The following MYO10 variants were observed in gnomAD, a reference collection of about 807,000 sequenced individuals.
MYO10 encodes the protein myosin X.
A neutral mutation model predicts 257.3 loss-of-function variants in MYO10; 133 were observed. That is an observed-to-expected ratio of 0.52 (90% CI 0.45 to 0.60). The LOEUF (loss-of-function observed/expected upper bound fraction) is 0.60. Among genes scored for constraint, MYO10 ranks in the 20% least tolerant of loss-of-function variants. The probability of loss-of-function intolerance (pLI) is 0.00; values close to 1 mark genes in which losing one functional copy is unlikely to be tolerated. For synonymous variants in MYO10, 1,104 were observed against 1,028.6 expected, an observed-to-expected ratio of 1.07 and a Z score of -1.40; for missense variants, 2,399 against 2,635.7, an observed-to-expected ratio of 0.91 and a Z score of 1.97.
At chr5:16,674,143 T>C (rs1020674985) in intron 35 of MYO10, among the ~76,000 whole-genome samples, 1 of 152,230 alleles carries the variant, frequency 6.6e-6, no homozygotes, top group African/African-American at 2.4e-5. Context: ...GCGTTGTTAA[T>C]ACTTGAAAGA....
At chr5:16,932,941 T>C (rs1746330173) in intron 1 of MYO10, among the ~76,000 whole-genome samples, 1 of 152,154 alleles carries the variant, frequency 6.6e-6, no homozygotes, top group Non-Finnish European at 1.5e-5. Context: ...CTAAGTTTTG[T>C]AGAGATGAGG....
chr5:16,829,236 G>A (rs922558646), intron 2 of MYO10, among the ~76,000 whole-genome samples: 1 of 152,178 alleles, frequency 6.6e-6, no homozygotes, highest in Admixed American at 6.5e-5. Flanking sequence ...GGCCCCCTGT[G>A]CCCTGGGTGC....
At chr5:16,676,576 G>A (rs1736733069) in intron 33 of MYO10, among the ~76,000 whole-genome samples, 1 of 152,292 alleles carries the variant, frequency 6.6e-6, no homozygotes, top group Non-Finnish European at 1.5e-5. Context: ...TTAGCCGGGT[G>A]TGGTGGCTGA....
At chr5:16,868,634 A>C (rs1468118174) in intron 2 of MYO10, among the ~76,000 whole-genome samples, 9 of 152,206 alleles carry the variant, frequency 5.9e-5, no homozygotes, top group Middle Eastern at 3.4e-3. Flanking sequence ...GCTTTTCTGA[A>C]ACTCTGTCCA....
chr5:16,725,784 C>T (rs990050533), intron 19 of MYO10, among the ~76,000 whole-genome samples: 1 of 115,138 alleles, frequency 8.7e-6, no homozygotes, highest in African/African-American at 3.4e-5. Flanking sequence ...CAACAGGTAC[C>T]CCCTTTTTTT....
At chr5:16,897,265 G>C (rs541735757) in intron 1 of MYO10, among the ~76,000 whole-genome samples, 19 of 149,402 alleles carry the variant, frequency 1.3e-4, no homozygotes, top group Non-Finnish European at 2.2e-4. Context: ...AACAAAACTG[G>C]CTTGCTAAGT....
In MYO10 at chr5:16,862,098, G is replaced by A. The variant is rs187965792; in HGVS notation, c.120+15511C>T. Among the ~76,000 whole-genome samples the A allele has an allele frequency of 1.5e-3, 232 of 152,256 alleles. 1 individual carries two copies. The highest frequency in any genetic ancestry group is 3.4e-3 in the Middle Eastern group (1 of 294). The stretch of plus-strand genomic sequence containing the variant: ...TCCTCACCAACTATGAGGAGGTCAT[G>A]GCTTAGAACTGGGTGCCCCTCTTCC... On this transcript the variant is annotated intron_variant, in intron 2 of 40. Transcript: ENST00000513610.
Position 16,713,601 on chromosome 5 carries a change from G to T in MYO10, c.1930-2356C>A, listed in dbSNP as rs571688812. On this transcript the variant is annotated intron_variant, in intron 19 of 40. Transcript: ENST00000513610. ...CGGCCTCGAGATCCAGGCTCCCATT[G>T]CGATTGTGTCCCTGCCCCTTCCCAG... 61 of 672,830 alleles carry T rather than the reference G, an allele frequency of 9.1e-5. 1 individual carries two copies. In the South Asian group the frequency reaches 4.0e-3, roughly 44 times the overall value. The allele number at this position is 672,830 out of a possible 1,614,324, so 41.7% of individuals were successfully genotyped here.
intron 1 of MYO10, among the ~76,000 whole-genome samples, chr5:16,920,475 G>A (rs887412436): frequency 2.0e-5 from 3 of 152,152 alleles, no homozygotes; most frequent in Non-Finnish European, 2.9e-5. Flanking sequence ...AAACTATAGA[G>A]AAGGAGAAAA....
At chr5:16,677,693 G>C (rs1186572178) in intron 33 of MYO10, among the ~76,000 whole-genome samples, 1 of 151,934 alleles carries the variant, frequency 6.6e-6, no homozygotes, top group African/African-American at 2.4e-5. Flanking sequence ...GGGATTACAG[G>C]CGTGAGCCAT....
Position 16,711,252 on chromosome 5 carries a change from C to G in MYO10, c.1930-7G>C, listed in dbSNP as rs748269464. Reference sequence around the variant, plus strand: ...GGTCAAACTGGTCTGGCATCTAAACCATGCAAAAAAAAAAGATGGGATACC... The same window carrying G: ...GGTCAAACTGGTCTGGCATCTAAACGATGCAAAAAAAAAAGATGGGATACC... On this transcript the variant is annotated splice_region_variant and splice_polypyrimidine_tract_variant and intron_variant, in intron 19 of 40. Coordinates refer to ENST00000513610, the MANE Select transcript of MYO10 (RefSeq NM_012334.3). 1 of 1,507,238 alleles carries G rather than the reference C, an allele frequency of 6.6e-7. No individual in the cohort carries two copies. 93.4% of individuals were successfully genotyped at this position (1,507,238 alleles called of 1,614,324 possible). A position where few individuals can be genotyped will look rare whatever the true frequency, so the allele number is the denominator to read the frequency against.
intron 33 of MYO10, among the ~76,000 whole-genome samples, chr5:16,678,549 C>T (rs1190852179): frequency 6.6e-6 from 1 of 152,198 alleles, no homozygotes; most frequent in Non-Finnish European, 1.5e-5. Context: ...TACCGCACTC[C>T]AGCCTGGGTG....
At chr5:16,829,908 C>T (rs753592156) in intron 2 of MYO10, among the ~76,000 whole-genome samples, 51 of 151,952 alleles carry the variant, frequency 3.4e-4, no homozygotes, top group Non-Finnish European at 5.3e-4. Context: ...CACACGCACA[C>T]GCACACGCAC....
In MYO10 at chr5:16,757,288, T is replaced by TCA. The variant is rs1216224852; in HGVS notation, c.1848+828_1848+829dup. On this transcript the variant is annotated intron_variant, in intron 18 of 40. Coordinates refer to ENST00000513610, the MANE Select transcript of MYO10 (RefSeq NM_012334.3). ...CTGGGTGACAGAACAAGACCCTGTCTCACACACACACAAACACACACACAC... is the reference window on the plus strand; with the variant it reads ...CTGGGTGACAGAACAAGACCCTGTCTCACACACACACACAAACACACACACAC... 6.7e-5 allele frequency among the ~76,000 whole-genome samples: 8 copies of TCA among 118,980 alleles called. No individual in the cohort carries two copies. The East Asian group carries it at 1.3e-3, about 19-fold the overall frequency. The allele number at this position is 118,980 out of a possible 152,430, so 78.1% of individuals were successfully genotyped here.
At position 16,711,210 on chromosome 5, in the gene MYO10, G is replaced by A. The variant is rs1411785995; in HGVS notation, c.1965C>T (p.Asn655=). Residue 655 remains asparagine, a synonymous_variant, in exon 20 of 41, where the codon AAC becomes AAT. Coordinates refer to ENST00000513610, the MANE Select transcript of MYO10 (RefSeq NM_012334.3). ...PDQFDQAVVL[N]QLRYSGMLET... The stretch of plus-strand genomic sequence containing the variant: ...CCAGCATCCCTGAGTACCGCAGCTG[G>A]TTCAGCACAACCGCCTGGTCAAACT... The A allele has an allele frequency of 1.2e-6, 2 of 1,613,032 alleles. No homozygotes were observed. Among genetic ancestry groups the A allele is most frequent in the African/African-American group, 1.3e-5 (1 of 74,872 alleles).
rs771793808 is a variant in MYO10, at chr5:16,818,402, GTGTGTGTGTA to G, written c.121-245_121-236del. 1.8e-3 allele frequency among the ~76,000 whole-genome samples: 212 copies of G among 117,532 alleles called. 2 individuals carry two copies. The highest frequency in any genetic ancestry group is 2.9e-3 in the African/African-American group (86 of 29,884). 77.1% of individuals were successfully genotyped at this position (117,532 alleles called of 152,430 possible). On this transcript the variant is annotated intron_variant, in intron 2 of 40. Coordinates refer to ENST00000513610, the MANE Select transcript of MYO10 (RefSeq NM_012334.3). Reference sequence around the variant, plus strand: ...TGTGCGTGTGTGTGTGTGTGTGTGTGTGTGTGTGTATATATATATATATACACATATCTTT... The same window carrying G: ...TGTGCGTGTGTGTGTGTGTGTGTGTGTATATATATATATACACATATCTTT...
rs775704042 is a variant in MYO10, at chr5:16,681,510, A to G, written c.4190-7T>C. On this transcript the variant is annotated splice_region_variant and splice_polypyrimidine_tract_variant and intron_variant, in intron 31 of 40. Transcript: ENST00000513610. The stretch of plus-strand genomic sequence containing the variant: ...ACCTCTTTGTGCAACCATCCTGGAA[A>G]AAAAGATTAAAGTGTAAATTAAAAT... 4 of 1,597,344 alleles carry G rather than the reference A, an allele frequency of 2.5e-6. No individual in the cohort carries two copies. The highest frequency in any genetic ancestry group is 1.4e-5 in the African/African-American group (1 of 73,848).
chr5:16,752,941 G>A (rs1740422468), intron 19 of MYO10, among the ~76,000 whole-genome samples: 1 of 152,252 alleles, frequency 6.6e-6, no homozygotes, highest in East Asian at 1.9e-4. Context: ...AAAACGGAAA[G>A]ATGGGTTACT....
At chr5:16,836,550 T>C (rs1743318557) in intron 2 of MYO10, among the ~76,000 whole-genome samples, 1 of 152,170 alleles carries the variant, frequency 6.6e-6, no homozygotes, top group Admixed American at 6.5e-5. Context: ...ATGACGGACA[T>C]GCACCAAGGG....
Sources: gnomAD v4.1 joint callset for allele counts (sites outside exome capture counted in the v4.1 genomes callset) on GRCh38, gnomAD v4.1.1 for gene constraint, MANE v1.5 for transcripts, NCBI Gene and HGNC (gene_info 2026-07-23, HGNC 2026-07-21) for gene names.